Variants in SLC22A23 observed in about 807,000 individuals in gnomAD.
The protein encoded by SLC22A23 is solute carrier family 22 member 23.
Under a neutral mutation model 61.0 loss-of-function variants are expected in SLC22A23, and 26 were observed. That is an observed-to-expected ratio of 0.43 (90% CI 0.31 to 0.59). The LOEUF (loss-of-function observed/expected upper bound fraction) is 0.59. Among genes scored for constraint, SLC22A23 ranks in the 20% least tolerant of loss-of-function variants. The pLI is 0.11. For missense variants in SLC22A23, 796 were observed against 934.7 expected (o/e 0.85, Z 1.94); for synonymous variants, 430 against 413.9 (o/e 1.04, Z -0.47).
intron 4 of SLC22A23, among the ~76,000 whole-genome samples, chr6:3,301,662 C>T (rs985328970): frequency 1.3e-5 from 2 of 152,220 alleles, no homozygotes; most frequent in African/African-American, 2.4e-5. Flanking sequence ...CCTAGGGCCA[C>T]GTACCCCAAG....
intron 3 of SLC22A23, among the ~76,000 whole-genome samples, chr6:3,335,546 C>T (rs944982719): frequency 7.9e-5 from 12 of 152,156 alleles, no homozygotes; most frequent in African/African-American, 2.7e-4. Context: ...GGGACAAGGC[C>T]TCAGTGAGCA....
chr6:3,363,340 G>A (rs1173118249), intron 3 of SLC22A23, among the ~76,000 whole-genome samples: 1 of 152,210 alleles, frequency 6.6e-6, no homozygotes, highest in African/African-American at 2.4e-5. Flanking sequence ...ATTGTCTGTA[G>A]GGCTCTGTCC....
Position 3,269,258 on chromosome 6 carries a change from G to A in SLC22A23, c.*3797C>T, listed in dbSNP as rs1473322182. The stretch of plus-strand genomic sequence containing the variant: ...AGCCTCTGCCTCTGACTACCTTTAA[G>A]ACCAGGACTCGAAGCAGAGTGAGAG... On this transcript the variant is annotated 3_prime_UTR_variant, in exon 10 of 10. Transcript: ENST00000406686. 6.6e-6 allele frequency: 1 copy of A among 152,326 alleles called. No individual in the cohort carries two copies. Among genetic ancestry groups the A allele is most frequent in the Non-Finnish European group, 1.5e-5 (1 of 68,044 alleles). The allele number at this position is 152,326 out of a possible 1,614,324, so 9.4% of individuals were successfully genotyped here. A position where few individuals can be genotyped will look rare whatever the true frequency, so the allele number is the denominator to read the frequency against.
chr6:3,316,249 C>A (rs978674400), intron 4 of SLC22A23, among the ~76,000 whole-genome samples: 11 of 152,298 alleles, frequency 7.2e-5, no homozygotes, highest in Middle Eastern at 3.4e-3. Flanking sequence ...GTTCCCCCAC[C>A]TACAAATAGG....
intron 3 of SLC22A23, among the ~76,000 whole-genome samples, chr6:3,373,027 T>A (rs767001923): frequency 3.3e-5 from 5 of 152,200 alleles, no homozygotes; most frequent in Admixed American, 6.5e-5. Flanking sequence ...TTGGCTGGCA[T>A]CTGGGAAGTT....
rs1379254313 is a variant in SLC22A23, at chr6:3,372,194, C to T, written c.913+37994G>A. On this transcript the variant is annotated intron_variant, in intron 3 of 9. Coordinates refer to ENST00000406686, the MANE Select transcript of SLC22A23 (RefSeq NM_015482.2). This position sits in a 1 kb window ranked among gnomAD's most constrained non-coding sequence, Gnocchi z 4.7. ...AGACTCCTGTGATGAGGCTGGACCA[C>T]TTGGGACTCTGAATATGCAAGGGAA... Among the ~76,000 whole-genome samples, 3 of 152,202 alleles carry T rather than the reference C, an allele frequency of 2.0e-5. No individual in the cohort carries two copies. The highest frequency in any genetic ancestry group is 1.3e-4 in the Admixed American group (2 of 15,278).
intron 1 of SLC22A23, among the ~76,000 whole-genome samples, chr6:3,424,072 G>A (rs1212224987): frequency 2.0e-5 from 3 of 152,020 alleles, no homozygotes; most frequent in African/African-American, 7.2e-5. Context: ...TATGGCTGGA[G>A]TCACCTGTCA....
intron 1 of SLC22A23, chr6:3,444,782 T>C: frequency 1.0e-6 from 1 of 985,132 alleles, no homozygotes; most frequent in Non-Finnish European, 1.2e-6. Flanking sequence ...GCTCCTCCCA[T>C]CACCCTGGAT....
chr6:3,453,088 C>T (rs541792461), intron 1 of SLC22A23, among the ~76,000 whole-genome samples: 3 of 152,256 alleles, frequency 2.0e-5, no homozygotes, highest in African/African-American at 7.2e-5. Context: ...CACACAGGGC[C>T]TGGCTGGGTT....
intron 1 of SLC22A23, among the ~76,000 whole-genome samples, chr6:3,437,745 ATTTTTTT>A (rs66470069): frequency 8.7e-6 from 1 of 114,342 alleles, no homozygotes; most frequent in African/African-American, 3.1e-5. Flanking sequence ...AACTTACTAG[ATTTTTTT>A]TTTTTTTTTT....
intron 3 of SLC22A23, among the ~76,000 whole-genome samples, chr6:3,359,285 T>C (rs551376374): frequency 6.6e-6 from 1 of 152,330 alleles, no homozygotes; most frequent in East Asian, 1.9e-4. Context: ...TAACAGATGC[T>C]GCTAAGCTAT....
At chr6:3,439,336 A>G in intron 1 of SLC22A23, 1 of 442,996 alleles carries the variant, frequency 2.3e-6, no homozygotes, top group South Asian at 1.6e-5. Flanking sequence ...TAAACGATGG[A>G]TGCTGGGGTC....
At chr6:3,437,213 G>T (rs776453323) in intron 1 of SLC22A23, among the ~76,000 whole-genome samples, 47 of 141,742 alleles carry the variant, frequency 3.3e-4, no homozygotes, top group Non-Finnish European at 6.3e-4. Context: ...GAAACCATTT[G>T]CTTATACTTA....
intron 1 of SLC22A23, among the ~76,000 whole-genome samples, chr6:3,422,357 T>A (rs190870210): frequency 4.6e-5 from 7 of 152,272 alleles, no homozygotes; most frequent in Admixed American, 4.6e-4. Context: ...CCCTGGAAGA[T>A]GAGTCACAGA....
intron 5 of SLC22A23, among the ~76,000 whole-genome samples, chr6:3,296,024 C>T (rs182447478): frequency 6.6e-6 from 1 of 152,316 alleles, no homozygotes; most frequent in Non-Finnish European, 1.5e-5. Context: ...GGAAATGAAT[C>T]AGTGTAATTA....
At chr6:3,367,579 T>C (rs1054580411) in intron 3 of SLC22A23, among the ~76,000 whole-genome samples, 1 of 152,122 alleles carries the variant, frequency 6.6e-6, no homozygotes, top group African/African-American at 2.4e-5. Context: ...TCTATGACTT[T>C]ACAGTCCGGA....
Position 3,367,648 on chromosome 6 carries a change from G to T in SLC22A23, c.913+42540C>A, listed in dbSNP as rs571276795. Among the ~76,000 whole-genome samples, 14 of 152,308 alleles carry T rather than the reference G, an allele frequency of 9.2e-5. No homozygotes were observed. In the East Asian group the frequency reaches 2.7e-3, roughly 29 times the overall value. On this transcript the variant is annotated intron_variant, in intron 3 of 9. Transcript: ENST00000406686. Reference sequence around the variant, plus strand: ...GAGCCTGAGGGACGTAAGTTAGGTTGCCCAAAGTCACACAGCTCATAGTGG... The same window carrying T: ...GAGCCTGAGGGACGTAAGTTAGGTTTCCCAAAGTCACACAGCTCATAGTGG...
At chr6:3,436,613 A>C (rs982632673) in intron 1 of SLC22A23, among the ~76,000 whole-genome samples, 1 of 151,160 alleles carries the variant, frequency 6.6e-6, no homozygotes, top group Admixed American at 6.6e-5. Context: ...GGGATTCCCA[A>C]CTCTCTCTTC....
rs961483743 is a variant in SLC22A23 at position 3,410,901 on chromosome 6, C to G, written c.759-559G>C. On this transcript the variant is annotated intron_variant, in intron 2 of 9. Coordinates refer to ENST00000406686, the MANE Select transcript of SLC22A23 (RefSeq NM_015482.2). This position sits in a 1 kb window ranked among gnomAD's most constrained non-coding sequence, Gnocchi z 5.0. Reference sequence around the variant, plus strand: ...CGACGAGAAGTAATTTTTAAGGGATCACACACTAAGGTAAGACAGCGTGAA... The same window carrying G: ...CGACGAGAAGTAATTTTTAAGGGATGACACACTAAGGTAAGACAGCGTGAA... Among the ~76,000 whole-genome samples the G allele has an allele frequency of 6.6e-6, 1 of 152,184 alleles. No homozygotes were observed. Among genetic ancestry groups the G allele is most frequent in the Non-Finnish European group, 1.5e-5 (1 of 68,042 alleles).
Sources: allele counts gnomAD v4.1 joint callset (sites outside exome capture counted in the v4.1 genomes callset), GRCh38; gene constraint gnomAD v4.1.1; non-coding constraint Gnocchi (gnomAD v3.1); transcripts MANE v1.5; gene names NCBI Gene and HGNC (gene_info 2026-07-23, HGNC 2026-07-21).